The following MAP4K4 variants were observed in gnomAD, a reference collection of about 807,000 sequenced individuals.
The protein encoded by MAP4K4 is HPK/GCK-like kinase HGK.
A neutral mutation model predicts 189.6 loss-of-function variants in MAP4K4; 38 were observed. The ratio of observed to expected loss-of-function variants is 0.20; its 90% CI spans 0.15 to 0.26. The LOEUF (loss-of-function observed/expected upper bound fraction) is 0.26. MAP4K4 is among the 10% of genes least tolerant of loss of function. MAP4K4 has a pLI of 1.00. For missense variants in MAP4K4, 1,054 were observed against 1,726.9 expected, an observed-to-expected ratio of 0.61 and a Z score of 6.91; for synonymous variants, 610 against 624.3, an observed-to-expected ratio of 0.98 and a Z score of 0.34.
chr2:101,811,205 CTACAAAAA>C (rs2095399862), intron 3 of MAP4K4, among the ~76,000 whole-genome samples: 1 of 151,332 alleles, frequency 6.6e-6, no homozygotes, highest in African/African-American at 2.4e-5. Flanking sequence ...AACCCGGTCT[CTACAAAAA>C]TACAAAAATT....
At chr2:101,765,564 G>A (rs766797313) in intron 2 of MAP4K4, among the ~76,000 whole-genome samples, 23 of 151,986 alleles carry the variant, frequency 1.5e-4, no homozygotes, top group Non-Finnish European at 2.8e-4. Flanking sequence ...AGCTCAAGCA[G>A]TCCACCCGTC....
intron 28 of MAP4K4, among the ~76,000 whole-genome samples, chr2:101,883,532 C>CA (rs1372578568): frequency 6.6e-6 from 1 of 151,958 alleles, no homozygotes; most frequent in Non-Finnish European, 1.5e-5. Context: ...ATGAAAAAAC[C>CA]AAAATACTGG....
chr2:101,833,636 GAA>G (rs374915973), intron 7 of MAP4K4, among the ~76,000 whole-genome samples: 26 of 146,330 alleles, frequency 1.8e-4, no homozygotes, highest in Admixed American at 6.1e-4. Flanking sequence ...AAAAAAAAAA[GAA>G]ATATCATCTG....
chr2:101,888,485 C>G (rs2098519755), intron 31 of MAP4K4, among the ~76,000 whole-genome samples: 1 of 152,120 alleles, frequency 6.6e-6, no homozygotes, highest in Admixed American at 6.5e-5. Context: ...TCCCTGCCGT[C>G]TCTCATGACT....
chr2:101,771,134 C>T (rs750467949), intron 2 of MAP4K4, among the ~76,000 whole-genome samples: 1 of 152,190 alleles, frequency 6.6e-6, no homozygotes, highest in Non-Finnish European at 1.5e-5. Flanking sequence ...TCATACTGAG[C>T]TCTCCATGTT....
chr2:101,808,547 C>A (rs867265869), intron 3 of MAP4K4, among the ~76,000 whole-genome samples: 2 of 147,920 alleles, frequency 1.4e-5, no homozygotes, highest in Non-Finnish European at 3.0e-5. Context: ...CACCCTCACC[C>A]CCCCCCACCC....
chr2:101,834,483 T>G lies in MAP4K4; in HGVS notation c.694+20T>G, dbSNP rs780264277. 6 of 1,593,482 alleles carry G rather than the reference T, an allele frequency of 3.8e-6. No individual in the cohort carries two copies. The highest frequency in any genetic ancestry group is 3.3e-4 in the Middle Eastern group (2 of 6,030). The stretch of plus-strand genomic sequence containing the variant: ...CTCCCCGTAAGTAACTTTCTTTTCT[T>G]TTTAGCTCACTTGTTACATGTGACT... On this transcript the variant is annotated intron_variant, in intron 8 of 32. Transcript: ENST00000324219.
chr2:101,863,281 G>C (rs1057228445), intron 16 of MAP4K4, among the ~76,000 whole-genome samples: 4 of 152,194 alleles, frequency 2.6e-5, no homozygotes, highest in African/African-American at 9.7e-5. Flanking sequence ...TGAAAAATTA[G>C]CTGTTCTTGA....
At chr2:101,737,880 A>G (rs776385199) in intron 2 of MAP4K4, among the ~76,000 whole-genome samples, 2 of 152,036 alleles carry the variant, frequency 1.3e-5, no homozygotes, top group African/African-American at 4.8e-5. Context: ...CACTTTTTAA[A>G]AGTTGGCCAG....
At chr2:101,738,433 A>G (rs2061347491) in intron 2 of MAP4K4, among the ~76,000 whole-genome samples, 1 of 152,202 alleles carries the variant, frequency 6.6e-6, no homozygotes. Context: ...TAAAAAAAGC[A>G]GTAGGATGCC....
chr2:101,855,936 G>C (rs1415060605), intron 12 of MAP4K4, 41 bp from the exon 13 acceptor site: 3 of 1,531,534 alleles, frequency 2.0e-6, no homozygotes, highest in African/African-American at 2.8e-5. Flanking sequence ...GAGAAAGATG[G>C]CGGGAAGATC....
intron 23 of MAP4K4, 75 bp from the exon 24 acceptor site, chr2:101,871,419 A>T: frequency 8.4e-7 from 1 of 1,189,930 alleles, no homozygotes; most frequent in Non-Finnish European, 1.2e-6. Context: ...ACAGCACCTT[A>T]AAGCAGTTAT....
intron 2 of MAP4K4, among the ~76,000 whole-genome samples, chr2:101,705,428 G>A (rs2041806732): frequency 6.6e-6 from 1 of 152,090 alleles, no homozygotes. Context: ...TGAATGCACT[G>A]ACACATGGAA....
At chr2:101,833,026 A>G (rs1037359340) in intron 7 of MAP4K4, among the ~76,000 whole-genome samples, 2 of 152,174 alleles carry the variant, frequency 1.3e-5, no homozygotes, top group African/African-American at 4.8e-5. Flanking sequence ...GACATGCAGA[A>G]CTGTTCATCC....
chr2:101,785,334 G>A (rs1161824642), intron 2 of MAP4K4, among the ~76,000 whole-genome samples: 1 of 152,208 alleles, frequency 6.6e-6, no homozygotes, highest in Non-Finnish European at 1.5e-5. Flanking sequence ...ATGTGAGGTG[G>A]TGGCACCATT....
At chr2:101,781,229 G>C (rs1198612492) in intron 2 of MAP4K4, among the ~76,000 whole-genome samples, 6 of 152,102 alleles carry the variant, frequency 3.9e-5, no homozygotes, top group African/African-American at 1.4e-4. Flanking sequence ...TGTTGTAGTA[G>C]CGACTGCAAG....
chr2:101,775,006 C>T (rs2150412380), intron 2 of MAP4K4, among the ~76,000 whole-genome samples: 1 of 150,482 alleles, frequency 6.6e-6, no homozygotes, highest in Non-Finnish European at 1.5e-5. Flanking sequence ...TTATCAATCT[C>T]ACAAAAACCT....
intron 21 of MAP4K4, among the ~76,000 whole-genome samples, chr2:101,868,460 G>C (rs957342810): frequency 1.6e-4 from 24 of 152,232 alleles, no homozygotes; most frequent in Admixed American, 5.2e-4. Context: ...CCCCAAAAAA[G>C]ATGAATTTGG....
chr2:101,835,818 T>G, intron 8 of MAP4K4, 82 bp from the exon 9 acceptor site: 1 of 920,454 alleles, frequency 1.1e-6, no homozygotes, highest in Non-Finnish European at 1.8e-6. Flanking sequence ...CCAGAGCATT[T>G]CATGTTATTT....
Sources: gnomAD v4.1 joint callset for allele counts (sites outside exome capture counted in the v4.1 genomes callset) on GRCh38, gnomAD v4.1.1 for gene constraint, MANE v1.5 for transcripts, NCBI Gene and HGNC (gene_info 2026-07-23, HGNC 2026-07-21) for gene names.